Variants in FBXL14 observed in about 807,000 individuals in gnomAD.
The protein encoded by FBXL14 is F-box/LRR-repeat protein 14.
A neutral mutation model predicts 24.5 loss-of-function variants in FBXL14; 11 were observed. The observed-to-expected ratio is 0.45, with a 90% confidence interval of 0.28 to 0.74. The LOEUF is 0.74. Among genes scored for constraint, FBXL14 ranks in the 30% least tolerant of loss-of-function variants. FBXL14 has a pLI of 0.12. For synonymous variants in FBXL14, 294 were observed against 240.4 expected (o/e 1.22, Z -2.06); for missense variants, 384 against 545.6 (o/e 0.70, Z 2.95).
chr12:1,593,077 G>A lies in FBXL14; in HGVS notation c.990C>T (p.His330=), dbSNP rs145352797. The A allele has an allele frequency of 1.7e-5, 28 of 1,612,884 alleles. No homozygotes were observed. Among genetic ancestry groups the A allele is most frequent in the African/African-American group, 1.1e-4 (8 of 74,946 alleles). ...DGINRMVRQM[H]GLRTLNIGQC... ...GTCCAATGTTGAGCGTGCGCAGCCC[G>A]TGCATCTGCCGCACCATGCGGTTGA... is the stretch of plus-strand genomic sequence containing the variant. Residue 330 remains histidine, a synonymous_variant, in exon 1 of 2, where the codon CAC becomes CAT. Coordinates refer to ENST00000339235, the MANE Select transcript of FBXL14 (RefSeq NM_152441.3). This position sits in a 1 kb window ranked among gnomAD's most constrained non-coding sequence, Gnocchi z 7.4.
rs561463486 is a variant in FBXL14, at chr12:1,593,170, G to A, written c.897C>T (p.Tyr299=). ...CDKVGDQSLA[Y]IAQGLDGLKS... ...TGAGGCCATCCAGCCCCTGGGCTAT[G>A]TAAGCCAGACTCTGGTCTCCCACCT... Residue 299 remains tyrosine (Y), a synonymous_variant, in exon 1 of 2, where the codon TAC becomes TAT. Transcript: ENST00000339235. The surrounding 1 kb of genome is among the most constrained non-coding windows in gnomAD (Gnocchi z 7.4). The A allele has an allele frequency of 8.7e-6, 14 of 1,613,490 alleles. No homozygotes were observed. The highest frequency in any genetic ancestry group is 1.2e-5 in the Non-Finnish European group (14 of 1,180,048).
chr12:1,581,821 C>A (rs1168295427), intron 1 of FBXL14, among the ~76,000 whole-genome samples: 1 of 152,184 alleles, frequency 6.6e-6, no homozygotes, highest in Admixed American at 6.5e-5. Context: ...AGAGGGCCTA[C>A]CTTCTTGAAA....
chr12:1,574,810 C>T (rs1417888048), intron 1 of FBXL14: 1 of 153,038 alleles, frequency 6.5e-6, no homozygotes, highest in Non-Finnish European at 1.5e-5. Flanking sequence ...TTGTCACAGC[C>T]CCTGGTGTCC....
intron 1 of FBXL14, among the ~76,000 whole-genome samples, chr12:1,571,312 G>A (rs1049326874): frequency 3.3e-5 from 5 of 152,064 alleles, no homozygotes; most frequent in Admixed American, 1.3e-4. Flanking sequence ...AGGTTCAAGC[G>A]ATTCTCCTGC....
chr12:1,580,503 CTAA>C (rs1484302935), intron 1 of FBXL14, among the ~76,000 whole-genome samples: 1 of 152,092 alleles, frequency 6.6e-6, no homozygotes, highest in African/African-American at 2.4e-5. Context: ...CTCAGTGTGT[CTAA>C]AAACAGGACC....
intron 1 of FBXL14, 63 bp from the exon 2 acceptor site, chr12:1,566,873 C>A (rs12422360): frequency 5.2e-6 from 4 of 772,028 alleles, no homozygotes; most frequent in Admixed American, 3.4e-5. Flanking sequence ...CTCTTCCTAA[C>A]GAGGTCGCCT....
At chr12:1,573,970 A>AC (rs2094450280) in intron 1 of FBXL14, among the ~76,000 whole-genome samples, 1 of 151,286 alleles carries the variant, frequency 6.6e-6, no homozygotes, top group Non-Finnish European at 1.5e-5. Context: ...GCACCATTGC[A>AC]CTCCAGCCTG....
rs117039443 is a variant in FBXL14, at chr12:1,567,893, A to G, written c.1195-1083T>C. ...AACCCACCCACACGCACACGCGCGCACACACGTGCGCACACACACAGAACA... is the reference window on the plus strand; with the variant it reads ...AACCCACCCACACGCACACGCGCGCGCACACGTGCGCACACACACAGAACA... On this transcript the variant is annotated intron_variant, in intron 1 of 1. Transcript: ENST00000339235. The surrounding 1 kb of genome is among the most constrained non-coding windows in gnomAD (Gnocchi z 4.8). Among the ~76,000 whole-genome samples the G allele has an allele frequency of 0.013, 1,920 of 152,206 alleles. 29 individuals are homozygous for G. Among genetic ancestry groups the G allele is most frequent in the Middle Eastern group, 0.034 (10 of 294 alleles).
chr12:1,573,643 G>C (rs1451035009), intron 1 of FBXL14, among the ~76,000 whole-genome samples: 1 of 152,206 alleles, frequency 6.6e-6, no homozygotes, highest in Non-Finnish European at 1.5e-5. Flanking sequence ...GTGAGGAAGA[G>C]TTCTCCAGTC....
intron 1 of FBXL14, among the ~76,000 whole-genome samples, chr12:1,592,422 T>C (rs898509040): frequency 1.3e-5 from 2 of 152,058 alleles, no homozygotes; most frequent in African/African-American, 2.4e-5. Flanking sequence ...GGGTTTGCTT[T>C]TTATACATTT....
intron 1 of FBXL14, among the ~76,000 whole-genome samples, chr12:1,574,357 GA>G (rs1414861602): frequency 6.7e-4 from 43 of 64,304 alleles, no homozygotes; most frequent in Non-Finnish European, 1.2e-3. Context: ...AGGCTGGGGT[GA>G]GAGGAGGCTG....
chr12:1,590,413 T>A (rs189504887), intron 1 of FBXL14, among the ~76,000 whole-genome samples: 1 of 152,228 alleles, frequency 6.6e-6, no homozygotes, highest in Middle Eastern at 3.2e-3. Flanking sequence ...ACTACTCTTA[T>A]CAGCTCTTGC....
chr12:1,583,976 G>A (rs2094471774), intron 1 of FBXL14, among the ~76,000 whole-genome samples: 1 of 152,130 alleles, frequency 6.6e-6, no homozygotes, highest in African/African-American at 2.4e-5. Flanking sequence ...TCCAGAAGGA[G>A]ACAATAACAG....
At chr12:1,589,397 CAAAAAAA>C (rs869295084) in intron 1 of FBXL14, among the ~76,000 whole-genome samples, 1 of 10,986 alleles carries the variant, frequency 9.1e-5, no homozygotes, top group Non-Finnish European at 1.9e-4. Context: ...GACCTTGTCT[CAAAAAAA>C]AAAAAAAAAA....
intron 1 of FBXL14, among the ~76,000 whole-genome samples, chr12:1,568,133 A>G (rs2094439322): frequency 6.6e-6 from 1 of 152,266 alleles, no homozygotes; most frequent in South Asian, 2.1e-4. Context: ...CAGAAAATCA[A>G]AGATAAAGAA....
chr12:1,591,354 T>TG (rs1236990794), intron 1 of FBXL14, among the ~76,000 whole-genome samples: 1 of 151,334 alleles, frequency 6.6e-6, no homozygotes, highest in East Asian at 1.9e-4. Flanking sequence ...GTTGTTTTTT[T>TG]TTTTTTTTTC....
intron 1 of FBXL14, among the ~76,000 whole-genome samples, chr12:1,585,364 C>G (rs1329397845): frequency 2.0e-5 from 3 of 151,002 alleles, no homozygotes; most frequent in Admixed American, 2.0e-4. Flanking sequence ...TGCCACTGTA[C>G]TCCAGCCTGG....
chr12:1,583,139 A>G (rs192351072), intron 1 of FBXL14, among the ~76,000 whole-genome samples: 2,280 of 152,216 alleles, frequency 0.015, 29 homozygotes, highest in Middle Eastern at 0.031. Context: ...AAATTAAAAA[A>G]AAGATACTCC....
At chr12:1,570,230 CA>C (rs570880448) in intron 1 of FBXL14, among the ~76,000 whole-genome samples, 10,471 of 152,166 alleles carry the variant, frequency 0.069, 487 homozygotes, top group African/African-American at 0.12. Flanking sequence ...GAAAGTGAGA[CA>C]AGGAAGGGAA....
Sources: gnomAD v4.1 joint callset for allele counts (sites outside exome capture counted in the v4.1 genomes callset) on GRCh38, gnomAD v4.1.1 for gene constraint, Gnocchi (gnomAD v3.1) non-coding constraint, MANE v1.5 for transcripts, NCBI Gene and HGNC (gene_info 2026-07-23, HGNC 2026-07-21) for gene names.